Variants in TCP11L2 observed in about 807,000 individuals in gnomAD.
TCP11L2 encodes the protein T-complex protein 11-like protein 2.
TCP11L2 carries 39 observed loss-of-function variants against 50.7 expected under a neutral mutation model. The observed-to-expected ratio is 0.77, with a 90% confidence interval of 0.60 to 1.01. The LOEUF is 1.01. TCP11L2 is among the 50% of genes least tolerant of loss of function. The pLI is 0.00. For missense variants in TCP11L2, 612 were observed against 614.7 expected, an observed-to-expected ratio of 1.00 and a Z score of 0.05; for synonymous variants, 192 against 219.3, an observed-to-expected ratio of 0.88 and a Z score of 1.10.
intron 1 of TCP11L2, among the ~76,000 whole-genome samples, chr12:106,304,644 G>A (rs963544421): frequency 3.3e-5 from 5 of 152,120 alleles, no homozygotes; most frequent in Admixed American, 2.0e-4. Flanking sequence ...AGCTGACCTC[G>A]ATCTAGTGTT....
intron 6 of TCP11L2, among the ~76,000 whole-genome samples, chr12:106,328,093 T>TC (rs2035619779): frequency 1.3e-5 from 2 of 152,252 alleles, no homozygotes; most frequent in Non-Finnish European, 2.9e-5. Flanking sequence ...TTAAAAAAAT[T>TC]CTGTGGGACA....
At chr12:106,323,421 A>G (rs1228049438) in intron 5 of TCP11L2, 89 bp from the exon 6 acceptor site, 2 of 1,217,742 alleles carry the variant, frequency 1.6e-6, no homozygotes, top group Non-Finnish European at 2.2e-6. Context: ...GGGGATGTTT[A>G]TTGTTTTCAG....
At chr12:106,315,107 G>A (rs2035027514) in intron 3 of TCP11L2, among the ~76,000 whole-genome samples, 1 of 151,988 alleles carries the variant, frequency 6.6e-6, no homozygotes, top group African/African-American at 2.4e-5. Flanking sequence ...TGGTGGTGGG[G>A]CGCGTGTAAT....
At chr12:106,311,505 C>T (rs375151543) in intron 2 of TCP11L2, among the ~76,000 whole-genome samples, 1 of 152,294 alleles carries the variant, frequency 6.6e-6, no homozygotes, top group African/African-American at 2.4e-5. Context: ...TCTTTTCTCC[C>T]AAACAGCAGA....
intron 6 of TCP11L2, among the ~76,000 whole-genome samples, chr12:106,329,166 T>C (rs1225448952): frequency 6.6e-6 from 1 of 152,148 alleles, no homozygotes; most frequent in South Asian, 2.1e-4. Flanking sequence ...CTTGTTCTGG[T>C]GTCTGTCTCT....
Position 106,335,741 on chromosome 12 carries a change from A to C in TCP11L2, c.875A>C (p.Lys292Thr). 1.2e-6 allele frequency: 2 copies of C among 1,614,224 alleles called. No homozygotes were observed. ...ALTPGAENTSKPSLSPTLVLN... is the reference protein window; with the variant it reads ...ALTPGAENTSTPSLSPTLVLN... ...ACTCCTGGGGCCGAAAATACCTCCA[A>C]GCCAAGCCTGAGCCCTACTTTGGTG... The change falls in exon 7 of 10, where the codon AAG becomes ACG. Residue 292 changes from lysine (K) to threonine (T), a missense_variant. Transcript: ENST00000299045.
At chr12:106,336,776 C>G (rs2035937050) in intron 8 of TCP11L2, among the ~76,000 whole-genome samples, 1 of 152,100 alleles carries the variant, frequency 6.6e-6, no homozygotes, top group African/African-American at 2.4e-5. Context: ...TGGTCTCGAT[C>G]TCTTGACCTC....
chr12:106,314,432 G>T lies in TCP11L2; in HGVS notation c.232G>T (p.Ala78Ser), dbSNP rs764566937. The change falls in exon 3 of 10, where the codon GCT becomes TCT. Residue 78 changes from alanine (A) to serine (S), a missense_variant. Transcript: ENST00000299045. The stretch of plus-strand genomic sequence containing the variant: ...AAGGAACTTATCAAACTTGACTCTT[G>T]CTCATGAGATTGCTGTAAATGAGAA... ...TARNLSNLTL[A>S]HEIAVNENFQ... 6 of 1,613,742 alleles carry T rather than the reference G, an allele frequency of 3.7e-6. No homozygotes were observed. The highest frequency in any genetic ancestry group is 4.2e-6 in the Non-Finnish European group (5 of 1,179,784).
At chr12:106,344,144 C>A (rs1244697252) in intron 9 of TCP11L2, among the ~76,000 whole-genome samples, 2 of 151,504 alleles carry the variant, frequency 1.3e-5, no homozygotes, top group Admixed American at 6.6e-5. Context: ...CAGATGGAGA[C>A]CCTGTCTATA....
chr12:106,343,417 G>A (rs1009074092), intron 9 of TCP11L2, among the ~76,000 whole-genome samples: 3 of 152,128 alleles, frequency 2.0e-5, no homozygotes, highest in Admixed American at 6.5e-5. Context: ...GAGATTCCTG[G>A]AACCTGAGAA....
chr12:106,335,974 G>A (rs376126871), intron 7 of TCP11L2, 58 bp from the exon 8 acceptor site: 10 of 1,511,108 alleles, frequency 6.6e-6, no homozygotes, highest in African/African-American at 1.4e-5. Context: ...TGCCTGTTTT[G>A]TATTTTCATG....
At chr12:106,310,814 G>T (rs1318689895) in intron 1 of TCP11L2, among the ~76,000 whole-genome samples, 2 of 152,364 alleles carry the variant, frequency 1.3e-5, no homozygotes, top group East Asian at 3.9e-4. Flanking sequence ...GGTGTGTCCT[G>T]AGTAAGCTCA....
intron 8 of TCP11L2, among the ~76,000 whole-genome samples, chr12:106,336,811 T>G (rs189066269): frequency 3.5e-4 from 53 of 152,136 alleles, no homozygotes; most frequent in African/African-American, 1.1e-3. Context: ...TCGGCCTCCC[T>G]AGAATTGTGC....
chr12:106,311,367 G>C, intron 2 of TCP11L2, 135 bp downstream of exon 2: 3 of 970,850 alleles, frequency 3.1e-6, no homozygotes, highest in Non-Finnish European at 4.4e-6. Flanking sequence ...CACTGCAGAG[G>C]CACTGCAGCT....
chr12:106,300,108 T>C (rs1176801867), upstream of TCP11L2, among the ~76,000 whole-genome samples: 1 of 151,966 alleles, frequency 6.6e-6, no homozygotes, highest in South Asian at 2.1e-4. Flanking sequence ...TGTAATAATA[T>C]GTCTTCTTCA....
intron 6 of TCP11L2, among the ~76,000 whole-genome samples, chr12:106,330,791 A>G (rs373208110): frequency 2.1e-4 from 32 of 152,212 alleles, no homozygotes; most frequent in African/African-American, 7.2e-4. Context: ...AGCCATTTCC[A>G]CTTGCAGAAG....
At chr12:106,337,636 A>G (rs2035962093) in intron 8 of TCP11L2, among the ~76,000 whole-genome samples, 1 of 152,226 alleles carries the variant, frequency 6.6e-6, no homozygotes, top group South Asian at 2.1e-4. Flanking sequence ...CAGATGGACC[A>G]GGGTTTAAAT....
At chr12:106,314,882 G>A (rs2035018482) in intron 3 of TCP11L2, among the ~76,000 whole-genome samples, 1 of 151,582 alleles carries the variant, frequency 6.6e-6, no homozygotes, top group Admixed American at 6.6e-5. Flanking sequence ...GCATGAGCCT[G>A]TAATTACAGG....
At position 106,340,848 on chromosome 12, in the gene TCP11L2, C is replaced by T; in HGVS notation, c.1165C>T (p.Leu389=). Residue 389 remains leucine, a synonymous_variant, in exon 9 of 10, where the codon CTG becomes TTG. Coordinates refer to ENST00000299045, the MANE Select transcript of TCP11L2 (RefSeq NM_152772.3). Reference sequence around the variant, plus strand: ...TAGGACCTTTAACTTGAAGGAAGTCCTGAATTCTATTGGTATTCAGACTTG... The same window carrying T: ...TAGGACCTTTAACTTGAAGGAAGTCTTGAATTCTATTGGTATTCAGACTTG... ...NKETFNLKEV[L]NSIGIQTCVE... 6.2e-7 allele frequency: 1 copy of T among 1,600,772 alleles called. No homozygotes were observed. The highest frequency in any genetic ancestry group is 8.5e-7 in the Non-Finnish European group (1 of 1,176,310).
Sources: gnomAD v4.1 joint callset for allele counts (sites outside exome capture counted in the v4.1 genomes callset) on GRCh38, gnomAD v4.1.1 for gene constraint, MANE v1.5 for transcripts, NCBI Gene and HGNC (gene_info 2026-07-23, HGNC 2026-07-21) for gene names.